PROS1: variants seen among roughly 807,000 people sequenced by gnomAD.
The protein encoded by PROS1 is vitamin K-dependent protein S.
In PROS1, 29 loss-of-function variants were observed where a neutral mutation model predicts 75.9. The ratio of observed to expected loss-of-function variants is 0.38; its 90% CI spans 0.28 to 0.52. The LOEUF is 0.52. Ranked by LOEUF, PROS1 falls within the 20% of genes least tolerant of loss-of-function variation. The pLI is 0.83. For synonymous variants in PROS1, 245 were observed against 280.6 expected (o/e 0.87, Z 1.27); for missense variants, 680 against 810.3 (o/e 0.84, Z 1.95).
At chr3:93,908,750 C>T (rs1277359878) in intron 4 of PROS1, among the ~76,000 whole-genome samples, 1 of 152,208 alleles carries the variant, frequency 6.6e-6, no homozygotes, top group African/African-American at 2.4e-5. Context: ...CTAACGGCTA[C>T]TCCAGATTGC....
intron 1 of PROS1, among the ~76,000 whole-genome samples, chr3:93,952,901 C>T (rs1369277610): frequency 3.9e-5 from 6 of 152,132 alleles, no homozygotes; most frequent in Non-Finnish European, 7.4e-5. Flanking sequence ...GGAGATATCA[C>T]CACCAATCCC....
chr3:93,943,164 A>G (rs1324045947), intron 1 of PROS1, among the ~76,000 whole-genome samples: 1 of 152,090 alleles, frequency 6.6e-6, no homozygotes, highest in African/African-American at 2.4e-5. Flanking sequence ...CATACCCCTT[A>G]CCAACCTCAA....
Position 93,876,107 on chromosome 3 carries a change from G to T in PROS1, c.1870+859C>A, listed in dbSNP as rs369534621. On this transcript the variant is annotated intron_variant, in intron 14 of 14. Transcript: ENST00000394236. ...AATTTTGTTTCTAACACATATCTCC[G>T]ATCTATTTACTGTCCATCATCTTCA... Among the ~76,000 whole-genome samples the T allele has an allele frequency of 2.0e-5, 3 of 152,046 alleles. No homozygotes were observed. The East Asian group carries it at 5.8e-4, about 29-fold the overall frequency.
At chr3:93,907,746 C>T (rs1268612510) in intron 4 of PROS1, among the ~76,000 whole-genome samples, 1 of 152,216 alleles carries the variant, frequency 6.6e-6, no homozygotes, top group Non-Finnish European at 1.5e-5. Flanking sequence ...AACACTACTT[C>T]TGGATTGCAA....
chr3:93,930,942 A>G (rs530749828), intron 1 of PROS1, among the ~76,000 whole-genome samples: 120 of 152,336 alleles, frequency 7.9e-4, no homozygotes, highest in Admixed American at 2.2e-3. Flanking sequence ...GAATATTAAA[A>G]AAACAAAAAC....
chr3:93,907,561 C>A (rs557307085), intron 4 of PROS1, among the ~76,000 whole-genome samples: 14 of 152,246 alleles, frequency 9.2e-5, no homozygotes, highest in African/African-American at 3.4e-4. Flanking sequence ...GATGAGCTAC[C>A]CACTGAGGGT....
chr3:93,936,745 A>C (rs1458021518), intron 1 of PROS1, among the ~76,000 whole-genome samples: 2 of 152,236 alleles, frequency 1.3e-5, no homozygotes, highest in Non-Finnish European at 2.9e-5. Context: ...ACACAAGGCA[A>C]GTTAGTCATG....
At position 93,924,962 on chromosome 3, in the gene PROS1, C is replaced by T. The variant is rs1201507204; in HGVS notation, c.235-698G>A. Among the ~76,000 whole-genome samples the T allele has an allele frequency of 3.9e-5, 6 of 152,122 alleles. No homozygotes were observed. The East Asian group carries it at 1.2e-3, about 29-fold the overall frequency. ...GGAATTACAGGTGTGAGCCAAGGTGCCCAGCTAACAGTGACATACTTTGAA... is the reference window on the plus strand; with the variant it reads ...GGAATTACAGGTGTGAGCCAAGGTGTCCAGCTAACAGTGACATACTTTGAA... On this transcript the variant is annotated intron_variant, in intron 2 of 14. Transcript: ENST00000394236.
intron 1 of PROS1, among the ~76,000 whole-genome samples, chr3:93,929,675 T>C (rs1330491753): frequency 1.3e-5 from 2 of 152,210 alleles, no homozygotes; most frequent in African/African-American, 4.8e-5. Flanking sequence ...GTAAATATCA[T>C]GTGGAAAAAT....
At chr3:93,953,485 T>A (rs1709540148) in intron 1 of PROS1, among the ~76,000 whole-genome samples, 1 of 152,142 alleles carries the variant, frequency 6.6e-6, no homozygotes, top group Non-Finnish European at 1.5e-5. Flanking sequence ...AAACCACGAT[T>A]ATATCAATAG....
At chr3:93,925,148 G>A (rs1309165221) in intron 2 of PROS1, among the ~76,000 whole-genome samples, 7 of 152,110 alleles carry the variant, frequency 4.6e-5, no homozygotes, top group African/African-American at 1.7e-4. Context: ...TGATAGTAAG[G>A]TTCTCAGGCT....
chr3:93,923,022 C>T (rs1472998658), intron 3 of PROS1, among the ~76,000 whole-genome samples: 2 of 152,196 alleles, frequency 1.3e-5, no homozygotes, highest in African/African-American at 4.8e-5. Context: ...CTTAAAACTA[C>T]AGAAGCTGGA....
chr3:93,967,365 G>T (rs1367405128), intron 1 of PROS1, among the ~76,000 whole-genome samples: 1 of 152,138 alleles, frequency 6.6e-6, no homozygotes, highest in East Asian at 1.9e-4. Flanking sequence ...TTTATGCTAA[G>T]CCACACAACA....
rs575595403 is a variant in PROS1 at position 93,957,253 on chromosome 3, C to A, written c.76+16421G>T. On this transcript the variant is annotated intron_variant, in intron 1 of 14. Coordinates refer to ENST00000394236, the MANE Select transcript of PROS1 (RefSeq NM_000313.4). ...ATCAAGTTACAAAAATTATATAGAG[C>A]ACAATTCCATGTATTTTCATTTCTA... Among the ~76,000 whole-genome samples the A allele has an allele frequency of 7.9e-4, 120 of 152,124 alleles. 1 individual carries two copies. Among genetic ancestry groups the A allele is most frequent in the Non-Finnish European group, 1.3e-3 (91 of 68,008 alleles).
intron 1 of PROS1, among the ~76,000 whole-genome samples, chr3:93,946,753 C>G (rs1484799106): frequency 6.7e-6 from 1 of 149,478 alleles, no homozygotes; most frequent in Non-Finnish European, 1.5e-5. Flanking sequence ...TGGGCAAGAA[C>G]TTCATATCTA....
At chr3:93,895,944 A>G (rs1708495822) in intron 9 of PROS1, among the ~76,000 whole-genome samples, 1 of 152,210 alleles carries the variant, frequency 6.6e-6, no homozygotes, top group Admixed American at 6.5e-5. Context: ...AGCCTGGGGA[A>G]CAAAGCAAGA....
At chr3:93,912,099 A>G (rs925584153) in intron 3 of PROS1, among the ~76,000 whole-genome samples, 8 of 152,194 alleles carry the variant, frequency 5.3e-5, no homozygotes, top group Admixed American at 4.6e-4. Flanking sequence ...CAGTGCCGAG[A>G]GTCCAAAACC....
At chr3:93,892,189 G>A (rs1359378804) in intron 10 of PROS1, among the ~76,000 whole-genome samples, 2 of 152,026 alleles carry the variant, frequency 1.3e-5, no homozygotes, top group African/African-American at 4.8e-5. Flanking sequence ...AATTAGCCAG[G>A]TATGCTGTTG....
chr3:93,909,345 G>A (rs921632690), intron 4 of PROS1, among the ~76,000 whole-genome samples: 11 of 150,838 alleles, frequency 7.3e-5, no homozygotes, highest in Non-Finnish European at 1.3e-4. Context: ...TGAGGCAGGA[G>A]GATTGCTTGA....
Sources: gnomAD v4.1 joint callset for allele counts (sites outside exome capture counted in the v4.1 genomes callset) on GRCh38, gnomAD v4.1.1 for gene constraint, MANE v1.5 for transcripts, NCBI Gene and HGNC (gene_info 2026-07-23, HGNC 2026-07-21) for gene names.